ANKRD33B: variants seen among roughly 807,000 people sequenced by gnomAD.
The protein encoded by ANKRD33B is ankyrin repeat domain 33B, also known as ankyrin repeat domain-containing protein 33B.
In ANKRD33B, 6 loss-of-function variants were observed where a neutral mutation model predicts 21.5. The observed-to-expected ratio is 0.28, with a 90% CI of 0.15 to 0.55. The LOEUF is 0.55. Ranked by LOEUF, ANKRD33B falls within the 20% of genes least tolerant of loss-of-function variation. The pLI is 0.94. For synonymous variants in ANKRD33B, 347 were observed against 342.4 expected, an observed-to-expected ratio of 1.01 and a Z score of -0.15; for missense variants, 698 against 747.2, an observed-to-expected ratio of 0.93 and a Z score of 0.77.
At chr5:10,623,474 T>C (rs1395402648) in intron 2 of ANKRD33B, among the ~76,000 whole-genome samples, 1 of 152,226 alleles carries the variant, frequency 6.6e-6, no homozygotes, top group Non-Finnish European at 1.5e-5. Context: ...AGCAGCTCTC[T>C]GGGGCCTCTT....
chr5:10,571,781 C>T (rs58794955), intron 1 of ANKRD33B, among the ~76,000 whole-genome samples: 19,344 of 152,166 alleles, frequency 0.13, 1,370 homozygotes, highest in East Asian at 0.22. Flanking sequence ...CCAGCTTGGA[C>T]TGTACATTAG....
intron 3 of ANKRD33B, among the ~76,000 whole-genome samples, chr5:10,640,505 C>T (rs1405060380): frequency 6.6e-6 from 1 of 152,222 alleles, no homozygotes; most frequent in African/African-American, 2.4e-5. Context: ...CAATGATCAT[C>T]CTTCGTGCAA....
intron 2 of ANKRD33B, among the ~76,000 whole-genome samples, chr5:10,621,673 T>C (rs1383146847): frequency 1.3e-5 from 2 of 152,254 alleles, no homozygotes; most frequent in Non-Finnish European, 2.9e-5. Flanking sequence ...AACAGGCACA[T>C]AGAGGCAATC....
intron 3 of ANKRD33B, among the ~76,000 whole-genome samples, chr5:10,644,222 C>T (rs757461512): frequency 7.2e-5 from 11 of 152,232 alleles, no homozygotes; most frequent in Non-Finnish European, 1.3e-4. Flanking sequence ...AAAGTATAAC[C>T]GGGTTCTGAG....
chr5:10,572,096 C>T (rs906813811), intron 1 of ANKRD33B, among the ~76,000 whole-genome samples: 8 of 152,106 alleles, frequency 5.3e-5, no homozygotes, highest in African/African-American at 1.9e-4. Context: ...ACCATGTTGG[C>T]CAGGCTGGTC....
intron 2 of ANKRD33B, among the ~76,000 whole-genome samples, chr5:10,634,675 T>C (rs11747713): frequency 0.42 from 61,907 of 149,006 alleles, 13,152 homozygotes; most frequent in Middle Eastern, 0.56. Context: ...AGGCCGGTCT[T>C]GAACTCCTGG....
intron 1 of ANKRD33B, among the ~76,000 whole-genome samples, chr5:10,603,260 TA>T (rs201962106): frequency 2.0e-5 from 3 of 151,400 alleles, no homozygotes; most frequent in Admixed American, 6.6e-5. Context: ...TTTTCATCCT[TA>T]AAAAAAATTT....
chr5:10,642,134 A>G (rs886796142), intron 3 of ANKRD33B, among the ~76,000 whole-genome samples: 7 of 152,156 alleles, frequency 4.6e-5, no homozygotes, highest in African/African-American at 7.2e-5. Context: ...TTTTTAGGTC[A>G]GTTGCCCTCT....
intron 1 of ANKRD33B, among the ~76,000 whole-genome samples, chr5:10,573,453 G>C (rs1735245240): frequency 7.0e-6 from 1 of 143,372 alleles, no homozygotes; most frequent in Non-Finnish European, 1.5e-5. Flanking sequence ...GGGCAACAGA[G>C]CGAGACTCCG....
intron 3 of ANKRD33B, among the ~76,000 whole-genome samples, chr5:10,640,173 G>A (rs1317589659): frequency 6.6e-6 from 1 of 151,784 alleles, no homozygotes; most frequent in Non-Finnish European, 1.5e-5. Context: ...GTGGAGTTGC[G>A]TGGTAATGTT....
At chr5:10,616,795 C>T (rs1451188773) in intron 1 of ANKRD33B, among the ~76,000 whole-genome samples, 1 of 152,202 alleles carries the variant, frequency 6.6e-6, no homozygotes, top group African/African-American at 2.4e-5. Context: ...TCCTTTGTTA[C>T]GAGGTCTCTT....
intron 2 of ANKRD33B, among the ~76,000 whole-genome samples, chr5:10,626,830 CA>C (rs1214547625): frequency 8.5e-5 from 13 of 152,334 alleles, no homozygotes; most frequent in African/African-American, 2.9e-4. Context: ...GGTTGCGTCA[CA>C]AGCCCGTGCC....
intron 2 of ANKRD33B, 80 bp from the exon 3 acceptor site, chr5:10,637,946 TTC>T (rs1736910529): frequency 1.4e-6 from 2 of 1,462,850 alleles, no homozygotes; most frequent in South Asian, 2.7e-5. Context: ...CAGTGTTTCT[TTC>T]TCTCTCTAGG....
At chr5:10,635,406 T>C (rs928113311) in intron 2 of ANKRD33B, among the ~76,000 whole-genome samples, 1 of 152,176 alleles carries the variant, frequency 6.6e-6, no homozygotes, top group African/African-American at 2.4e-5. Flanking sequence ...CAGCTGGCCT[T>C]AGCCCCTCCC....
At chr5:10,603,051 C>T (rs373225119) in intron 1 of ANKRD33B, among the ~76,000 whole-genome samples, 32 of 150,608 alleles carry the variant, frequency 2.1e-4, no homozygotes, top group African/African-American at 7.3e-4. Context: ...TGAGCTCAAG[C>T]CATCCTCCCG....
chr5:10,575,805 G>A (rs921334669), intron 1 of ANKRD33B, among the ~76,000 whole-genome samples: 13 of 151,958 alleles, frequency 8.6e-5, no homozygotes, highest in African/African-American at 2.4e-4. Flanking sequence ...AAATAATGCC[G>A]TTGTGGAGAT....
At chr5:10,621,036 A>G (rs1736409172) in intron 2 of ANKRD33B, among the ~76,000 whole-genome samples, 1 of 152,120 alleles carries the variant, frequency 6.6e-6, no homozygotes, top group South Asian at 2.1e-4. Flanking sequence ...TTTTTTAAAA[A>G]TCTCGTGTGT....
intron 3 of ANKRD33B, among the ~76,000 whole-genome samples, chr5:10,647,889 G>A (rs1048740495): frequency 3.9e-5 from 6 of 152,234 alleles, no homozygotes; most frequent in Admixed American, 3.9e-4. Context: ...ACTGATTATA[G>A]ATGTTAACCA....
intron 2 of ANKRD33B, among the ~76,000 whole-genome samples, chr5:10,627,716 T>C (rs1018826915): frequency 1.3e-5 from 2 of 152,268 alleles, no homozygotes; most frequent in Admixed American, 6.5e-5. Flanking sequence ...GTTCATGTTG[T>C]TTTGAAGTGC....
Sources: allele counts gnomAD v4.1 joint callset (sites outside exome capture counted in the v4.1 genomes callset), GRCh38; gene constraint gnomAD v4.1.1; transcripts MANE v1.5; gene names NCBI Gene and HGNC (gene_info 2026-07-23, HGNC 2026-07-21).